Variants in ARHGAP22 observed in about 807,000 individuals in gnomAD.
ARHGAP22 encodes Rho GTPase activating protein 22.
A neutral mutation model predicts 59.1 loss-of-function variants in ARHGAP22; 48 were observed. The observed-to-expected ratio is 0.81, with a 90% confidence interval of 0.64 to 1.03. The LOEUF is 1.03. Ranked by LOEUF, ARHGAP22 falls within the 50% of genes least tolerant of loss-of-function variation. The probability of loss-of-function intolerance (pLI) is 0.00; values close to 1 mark genes in which losing one functional copy is unlikely to be tolerated. For synonymous variants in ARHGAP22, 445 were observed against 416.4 expected (o/e 1.07, Z -0.84); for missense variants, 1,015 against 958.7 (o/e 1.06, Z -0.78).
chr10:48,551,734 G>A (rs1389361687), intron 3 of ARHGAP22, among the ~76,000 whole-genome samples: 2 of 152,356 alleles, frequency 1.3e-5, no homozygotes, highest in Admixed American at 6.5e-5. Flanking sequence ...CCTTATAAGA[G>A]TGTTTTCTCT....
chr10:48,506,249 T>C (rs1280822837), intron 3 of ARHGAP22, among the ~76,000 whole-genome samples: 6 of 148,630 alleles, frequency 4.0e-5, no homozygotes, highest in East Asian at 2.1e-4. Flanking sequence ...AATTTTGCCA[T>C]TGTGCAAACC....
intron 1 of ARHGAP22, among the ~76,000 whole-genome samples, chr10:48,636,549 C>T (rs777314530): frequency 6.6e-6 from 1 of 152,236 alleles, no homozygotes; most frequent in African/African-American, 2.4e-5. Flanking sequence ...CTGTTTCTTG[C>T]TGCTCCTTGT....
intron 3 of ARHGAP22, among the ~76,000 whole-genome samples, chr10:48,505,605 CT>C (rs1423263972): frequency 6.6e-6 from 1 of 152,120 alleles, no homozygotes; most frequent in Non-Finnish European, 1.5e-5. Flanking sequence ...AGAACTCCTC[CT>C]TGTGGTTGGG....
intron 3 of ARHGAP22, among the ~76,000 whole-genome samples, chr10:48,544,078 G>A (rs534677798): frequency 6.6e-5 from 10 of 152,096 alleles, no homozygotes; most frequent in Admixed American, 3.9e-4. Flanking sequence ...AGCCAAGATC[G>A]TGCCACTGCA....
At chr10:48,643,307 T>C (rs2062134921) in intron 1 of ARHGAP22, among the ~76,000 whole-genome samples, 1 of 152,140 alleles carries the variant, frequency 6.6e-6, no homozygotes, top group East Asian at 1.9e-4. Flanking sequence ...TAAACACGCA[T>C]GTTTATTGCG....
intron 5 of ARHGAP22, 84 bp downstream of exon 5, chr10:48,459,600 C>T: frequency 1.3e-6 from 2 of 1,490,292 alleles, no homozygotes; most frequent in Non-Finnish European, 1.9e-6. Context: ...CCCACCCCTG[C>T]CCACTGGAGC....
At chr10:48,493,351 C>T (rs774503048) in intron 3 of ARHGAP22, 22 of 1,356,646 alleles carry the variant, frequency 1.6e-5, no homozygotes, top group Admixed American at 2.0e-5. Context: ...GGCCACCAAA[C>T]ACCACTTCCC....
chr10:48,493,117 G>A (rs1426711598), intron 3 of ARHGAP22, among the ~76,000 whole-genome samples: 1 of 152,188 alleles, frequency 6.6e-6, no homozygotes, highest in Admixed American at 6.5e-5. Flanking sequence ...GACTGGGGCT[G>A]GCGGTGTATG....
Position 48,474,085 on chromosome 10 carries a change from T to C in ARHGAP22, c.451+5551A>G, listed in dbSNP as rs200964073. ...TATCAACTCTTCTCATTCCTGAACA[T>C]GGGATGTCTTTCTTCTTATTTAGAT... is the stretch of plus-strand genomic sequence containing the variant. On this transcript the variant is annotated intron_variant, in intron 4 of 9. Transcript: ENST00000249601. Among the ~76,000 whole-genome samples the C allele has an allele frequency of 2.0e-5, 3 of 152,234 alleles. No homozygotes were observed. The East Asian group carries it at 5.8e-4, about 29-fold the overall frequency.
chr10:48,591,185 G>A (rs1399630870), intron 1 of ARHGAP22, among the ~76,000 whole-genome samples: 1 of 152,208 alleles, frequency 6.6e-6, no homozygotes, highest in Admixed American at 6.5e-5. Context: ...GAGGGTGACT[G>A]CGAGCCCGCA....
intron 3 of ARHGAP22, among the ~76,000 whole-genome samples, chr10:48,514,680 A>G (rs558840175): frequency 3.3e-5 from 5 of 152,332 alleles, no homozygotes; most frequent in African/African-American, 1.2e-4. Context: ...AGTTAAAAAT[A>G]AAAGACAAAA....
chr10:48,643,874 G>A (rs1025054276), intron 1 of ARHGAP22, among the ~76,000 whole-genome samples: 49 of 152,084 alleles, frequency 3.2e-4, no homozygotes, highest in African/African-American at 1.2e-3. Context: ...TGGGCCAGGC[G>A]TGGTGGCTCA....
chr10:48,598,659 C>A (rs1352480028), intron 1 of ARHGAP22, among the ~76,000 whole-genome samples: 1 of 152,242 alleles, frequency 6.6e-6, no homozygotes, highest in African/African-American at 2.4e-5. Context: ...CAGCCTGCAT[C>A]ATTGACTAAG....
At chr10:48,637,558 A>G (rs2061871449) in intron 1 of ARHGAP22, among the ~76,000 whole-genome samples, 2 of 151,340 alleles carry the variant, frequency 1.3e-5, no homozygotes, top group African/African-American at 4.9e-5. Context: ...ATGGATGGGT[A>G]AATGGATGGA....
intron 1 of ARHGAP22, among the ~76,000 whole-genome samples, chr10:48,614,279 C>T (rs1398554018): frequency 6.6e-6 from 1 of 152,170 alleles, no homozygotes; most frequent in African/African-American, 2.4e-5. Flanking sequence ...GAGAGTTAGA[C>T]AGTTGAGAAG....
chr10:48,444,848 T>C (rs1362105348), downstream of ARHGAP22: 2 of 152,208 alleles, frequency 1.3e-5, no homozygotes, highest in African/African-American at 2.4e-5. Flanking sequence ...TCCTATTCTC[T>C]TCTCTCTCCT....
chr10:48,563,527 AC>A (rs1392005861), intron 2 of ARHGAP22, among the ~76,000 whole-genome samples: 1 of 152,162 alleles, frequency 6.6e-6, no homozygotes, highest in African/African-American at 2.4e-5. Flanking sequence ...ATGGTTAGCA[AC>A]CTTAATTCTA....
upstream of ARHGAP22, among the ~76,000 whole-genome samples, chr10:48,608,620 G>A (rs554044762): frequency 1.3e-5 from 2 of 152,276 alleles, no homozygotes; most frequent in Admixed American, 6.5e-5. Context: ...CTCTGTTCCT[G>A]CTGCCAGGAG....
At chr10:48,503,131 C>G (rs753520147) in intron 3 of ARHGAP22, among the ~76,000 whole-genome samples, 1 of 152,158 alleles carries the variant, frequency 6.6e-6, no homozygotes, top group African/African-American at 2.4e-5. Context: ...CACCAAGGAA[C>G]GTGGTGCCAT....
Sources: gnomAD v4.1 joint callset for allele counts (sites outside exome capture counted in the v4.1 genomes callset) on GRCh38, gnomAD v4.1.1 for gene constraint, MANE v1.5 for transcripts, NCBI Gene and HGNC (gene_info 2026-07-23, HGNC 2026-07-21) for gene names.